Variants in MRPS6 observed in about 807,000 individuals in gnomAD.
MRPS6 encodes small ribosomal subunit protein bS6m.
A neutral mutation model predicts 13.1 loss-of-function variants in MRPS6; 6 were observed. The observed-to-expected ratio is 0.46, with a 90% CI of 0.25 to 0.91. MRPS6 has a LOEUF of 0.91. MRPS6 is among the 40% of genes least tolerant of loss of function. The pLI is 0.18. For synonymous variants in MRPS6, 61 were observed against 56.5 expected (o/e 1.08, Z -0.36); for missense variants, 164 against 155.6 (o/e 1.05, Z -0.29).
At chr21:34,092,492 T>C (rs1311742644) in intron 1 of MRPS6, among the ~76,000 whole-genome samples, 3 of 152,188 alleles carry the variant, frequency 2.0e-5, no homozygotes, top group African/African-American at 7.2e-5. Context: ...TAGGGTACTA[T>C]TTGGTACCTC....
chr21:34,100,301 G>A, intron 1 of MRPS6: 1 of 1,000,128 alleles, frequency 1.0e-6, no homozygotes, highest in Non-Finnish European at 1.2e-6. Context: ...TATGCAGGAT[G>A]ATTATTGCAT....
intron 1 of MRPS6, among the ~76,000 whole-genome samples, chr21:34,078,983 A>G (rs1208542747): frequency 6.6e-6 from 1 of 152,264 alleles, no homozygotes; most frequent in African/African-American, 2.4e-5. Context: ...GAATTAGTCA[A>G]ATGAATGTCT....
chr21:34,098,058 G>A (rs1979056090), intron 1 of MRPS6: 2 of 999,202 alleles, frequency 2.0e-6, no homozygotes, highest in Non-Finnish European at 2.4e-6. Flanking sequence ...AAGTCTGCCT[G>A]TAAAGTTACA....
chr21:34,092,774 C>T lies in MRPS6; in HGVS notation c.45+19029C>T, dbSNP rs543336126. ...ATAACCCACCCTATTTCCCCCCCAA[C>T]GGCCAGATGAAACCAGAAATACCCA... On this transcript the variant is annotated intron_variant, in intron 1 of 2. Coordinates refer to ENST00000399312, the MANE Select transcript of MRPS6 (RefSeq NM_032476.4). Among the ~76,000 whole-genome samples the T allele has an allele frequency of 2.0e-5, 3 of 152,280 alleles. No individual in the cohort carries two copies. The South Asian group carries it at 6.2e-4, about 32-fold the overall frequency.
chr21:34,081,677 A>G (rs867762966), intron 1 of MRPS6, among the ~76,000 whole-genome samples: 2 of 152,122 alleles, frequency 1.3e-5, no homozygotes, highest in African/African-American at 4.8e-5. Context: ...GAAGTAATTC[A>G]TTTGGGAGGG....
At chr21:34,116,604 T>C (rs7279211) in intron 1 of MRPS6, among the ~76,000 whole-genome samples, 30,289 of 49,774 alleles carry the variant, frequency 0.61, 5,537 homozygotes, top group African/African-American at 0.66. Flanking sequence ...GGGTGTGTCC[T>C]GCAGACCCTG....
chr21:34,083,324 G>A (rs1159230590), intron 1 of MRPS6, among the ~76,000 whole-genome samples: 1 of 152,242 alleles, frequency 6.6e-6, no homozygotes, highest in Admixed American at 6.5e-5. Context: ...TGCAGAATCA[G>A]TGTAAGTTCC....
intron 1 of MRPS6, among the ~76,000 whole-genome samples, chr21:34,109,220 C>A (rs1979602089): frequency 6.6e-6 from 1 of 152,092 alleles, no homozygotes; most frequent in Non-Finnish European, 1.5e-5. Context: ...TTATTTACTT[C>A]AAGATAGTTT....
chr21:34,138,609 G>C (rs1980788314), intron 2 of MRPS6, among the ~76,000 whole-genome samples: 1 of 151,846 alleles, frequency 6.6e-6, no homozygotes, highest in African/African-American at 2.4e-5. Context: ...CTGGCCATCA[G>C]AGAAATGCAA....
chr21:34,119,584 G>A (rs891599908), intron 1 of MRPS6, among the ~76,000 whole-genome samples: 2 of 152,110 alleles, frequency 1.3e-5, no homozygotes, highest in East Asian at 1.9e-4. Context: ...AACGTGAGGC[G>A]GGCAGGGTGT....
In MRPS6 at chr21:34,073,606, C is replaced by G. The variant is rs1467398354; in HGVS notation, c.-95C>G. ...TTCGCCGCCTGGGAGCCGTCCGGCG[C>G]AGCAGTTTCTAGGTCCCCACTGTCC... On this transcript the variant is annotated 5_prime_UTR_variant, in exon 1 of 3. Coordinates refer to ENST00000399312, the MANE Select transcript of MRPS6 (RefSeq NM_032476.4). 36 of 1,110,308 alleles carry G rather than the reference C, an allele frequency of 3.2e-5. No homozygotes were observed. The highest frequency in any genetic ancestry group is 4.5e-5 in the Non-Finnish European group (35 of 784,022). The allele number at this position is 1,110,308 out of a possible 1,614,324, so 68.8% of individuals were successfully genotyped here.
At chr21:34,101,594 C>T in intron 1 of MRPS6, 3 of 1,000,134 alleles carry the variant, frequency 3.0e-6, no homozygotes, top group Non-Finnish European at 3.6e-6. Context: ...TGTGTCAGTT[C>T]TACACCTAGT....
chr21:34,103,014 A>G (rs1226118090), intron 1 of MRPS6: 2 of 999,716 alleles, frequency 2.0e-6, no homozygotes, highest in African/African-American at 1.7e-5. Context: ...AGTAGTCTAG[A>G]TAAGTTTTCA....
At chr21:34,118,211 G>T (rs780763637) in intron 1 of MRPS6, among the ~76,000 whole-genome samples, 2 of 152,044 alleles carry the variant, frequency 1.3e-5, no homozygotes, top group African/African-American at 2.4e-5. Flanking sequence ...GAAAATCTGT[G>T]TGTAAACTTT....
At chr21:34,087,389 T>A (rs560391206) in intron 1 of MRPS6, among the ~76,000 whole-genome samples, 66 of 152,350 alleles carry the variant, frequency 4.3e-4, no homozygotes, top group Non-Finnish European at 8.4e-4. Context: ...TTGATTTTTT[T>A]ATTTAACAAA....
chr21:34,123,045 G>A (rs1198926676), intron 1 of MRPS6: 1 of 152,084 alleles, frequency 6.6e-6, no homozygotes, highest in East Asian at 1.9e-4. Flanking sequence ...TTGTCTTCAG[G>A]AAATTTCTGT....
intron 2 of MRPS6, among the ~76,000 whole-genome samples, chr21:34,129,693 G>T (rs1284390833): frequency 6.6e-6 from 1 of 152,144 alleles, no homozygotes; most frequent in Non-Finnish European, 1.5e-5. Context: ...CTCTCTAGAG[G>T]AGATTGATTC....
chr21:34,134,346 G>A (rs1342139998), intron 2 of MRPS6, among the ~76,000 whole-genome samples: 1 of 152,156 alleles, frequency 6.6e-6, no homozygotes, highest in Non-Finnish European at 1.5e-5. Flanking sequence ...GTGGAATAGT[G>A]GATTCGTTTG....
Position 34,096,560 on chromosome 21 carries a change from C to G in MRPS6, c.45+22815C>G. The G allele has an allele frequency of 6.2e-7, 1 of 1,614,120 alleles. No individual in the cohort carries two copies. Among genetic ancestry groups the G allele is most frequent in the Non-Finnish European group, 8.5e-7 (1 of 1,180,006 alleles). On this transcript the variant is annotated intron_variant, in intron 1 of 2. Transcript: ENST00000399312. The surrounding 1 kb of genome is among the most constrained non-coding windows in gnomAD (Gnocchi z 5.9). ...ATTACCTGACACCCCCAGTGGCAGCCTTGTTCCTGCTGGCAATTTTCTGGA... is the reference window on the plus strand; with the variant it reads ...ATTACCTGACACCCCCAGTGGCAGCGTTGTTCCTGCTGGCAATTTTCTGGA...
Sources: allele counts gnomAD v4.1 joint callset (sites outside exome capture counted in the v4.1 genomes callset), GRCh38; gene constraint gnomAD v4.1.1; non-coding constraint Gnocchi (gnomAD v3.1); transcripts MANE v1.5; gene names NCBI Gene and HGNC (gene_info 2026-07-23, HGNC 2026-07-21).